The following SAP130 variants were observed in gnomAD, a reference collection of about 807,000 sequenced individuals.
SAP130 encodes Sin3A associated protein 130, also known as histone deacetylase complex subunit SAP130.
SAP130 carries 16 observed loss-of-function variants against 103.2 expected under a neutral mutation model. The observed-to-expected ratio is 0.16, with a 90% CI of 0.10 to 0.24. The LOEUF is 0.24. Ranked by LOEUF, SAP130 falls within the 10% of genes least tolerant of loss-of-function variation. SAP130 has a pLI of 1.00. For missense variants in SAP130, 990 were observed against 1,359.7 expected (o/e 0.73, Z 4.28); for synonymous variants, 477 against 497.0 (o/e 0.96, Z 0.53).
chr2:127,984,777 T>C (rs1323046149), intron 14 of SAP130, among the ~76,000 whole-genome samples: 1 of 152,190 alleles, frequency 6.6e-6, no homozygotes, highest in African/African-American at 2.4e-5. Context: ...TCTATAGTGC[T>C]GGGTGACCCT....
Position 128,000,013 on chromosome 2 carries a change from TC to T in SAP130, c.1108+42del, listed in dbSNP as rs776228987. ...GAAAAATTAACCCATCACTCTTGCC[TC>T]CTTTTTCCCCAGTAGAAGGAAGAGG... On this transcript the variant is annotated intron_variant, in intron 9 of 20. Transcript: ENST00000643581. 1.9e-6 allele frequency: 3 copies of T among 1,583,762 alleles called. No homozygotes were observed. In the South Asian group the frequency reaches 3.3e-5, roughly 17 times the overall value.
At chr2:127,981,743 G>A (rs1197155716) in intron 14 of SAP130, among the ~76,000 whole-genome samples, 1 of 63,278 alleles carries the variant, frequency 1.6e-5, no homozygotes, top group African/African-American at 6.4e-5. Context: ...CCCTCACCCC[G>A]ACGCAGTCCT....
At chr2:128,013,762 A>C (rs1177984606) in intron 5 of SAP130, among the ~76,000 whole-genome samples, 1 of 152,182 alleles carries the variant, frequency 6.6e-6, no homozygotes, top group Non-Finnish European at 1.5e-5. Flanking sequence ...ATTAGAACTT[A>C]AGGGTAAAAA....
Position 127,941,672 on chromosome 2 carries a change from G to T in SAP130, c.*334C>A. On this transcript the variant is annotated 3_prime_UTR_variant, in exon 21 of 21. Transcript: ENST00000643581. ...GTATGGGGCCTGCAGGAATCCACTAGATAAATACAGTCTATAAACCGGAAG... is the reference window on the plus strand; with the variant it reads ...GTATGGGGCCTGCAGGAATCCACTATATAAATACAGTCTATAAACCGGAAG... 1 of 297,690 alleles carries T rather than the reference G, an allele frequency of 3.4e-6. No homozygotes were observed. The allele number at this position is 297,690 out of a possible 1,614,324, so 18.4% of individuals were successfully genotyped here.
rs1229515776 is a variant in SAP130, at chr2:127,942,329, GAT to G, written c.3015+93_3015+94del. On this transcript the variant is annotated intron_variant, in intron 20 of 20. Coordinates refer to ENST00000643581, the MANE Select transcript of SAP130 (RefSeq NM_001330301.2). This position sits in a 1 kb window ranked among gnomAD's most constrained non-coding sequence, Gnocchi z 4.8. Reference sequence around the variant, plus strand: ...CTGAAGCACGTATGTTTTTACTGAAGATATGAGGGAGACGGGGGGAAACGGGA... The same window carrying G: ...CTGAAGCACGTATGTTTTTACTGAAGATGAGGGAGACGGGGGGAAACGGGA... The G allele has an allele frequency of 9.3e-7, 1 of 1,079,468 alleles. No individual in the cohort carries two copies. Among genetic ancestry groups the G allele is most frequent in the African/African-American group, 1.6e-5 (1 of 64,016 alleles). The allele number at this position is 1,079,468 out of a possible 1,614,324, so 66.9% of individuals were successfully genotyped here.
chr2:127,941,945 TC>T lies in SAP130; in HGVS notation c.*60del, dbSNP rs1272598726. On this transcript the variant is annotated 3_prime_UTR_variant, in exon 21 of 21. Coordinates refer to ENST00000643581, the MANE Select transcript of SAP130 (RefSeq NM_001330301.2). ...TCCACTTTGGAAAAAACCAAAACCC[TC>T]CCCCCACCCCCACCATCATTCTTCA... The T allele has an allele frequency of 1.1e-4, 20 of 187,778 alleles. 1 individual carries two copies. Among genetic ancestry groups the T allele is most frequent in the Admixed American group, 2.0e-4 (2 of 10,082 alleles). 11.6% of individuals were successfully genotyped at this position (187,778 alleles called of 1,614,324 possible). A position where few individuals can be genotyped will look rare whatever the true frequency, so the allele number is the denominator to read the frequency against.
chr2:128,010,160 A>T lies in SAP130; in HGVS notation c.869+109T>A, dbSNP rs535965543. Reference sequence around the variant, plus strand: ...TTAGAACACTACATAGCTCATTATAAAAAAAAAAAGCCACTCAATAAATAT... The same window carrying T: ...TTAGAACACTACATAGCTCATTATATAAAAAAAAAGCCACTCAATAAATAT... On this transcript the variant is annotated intron_variant, in intron 7 of 20. Coordinates refer to ENST00000643581, the MANE Select transcript of SAP130 (RefSeq NM_001330301.2). 1,331 of 1,158,648 alleles carry T rather than the reference A, an allele frequency of 1.1e-3. 6 individuals carry two copies. Among genetic ancestry groups the T allele is most frequent in the African/African-American group, 4.2e-3 (264 of 63,522 alleles). The allele number at this position is 1,158,648 out of a possible 1,614,324, so 71.8% of individuals were successfully genotyped here.
At chr2:127,959,905 G>A (rs974113691) in intron 15 of SAP130, among the ~76,000 whole-genome samples, 3 of 152,024 alleles carry the variant, frequency 2.0e-5, no homozygotes, top group Non-Finnish European at 2.9e-5. Flanking sequence ...GAAATAAGAC[G>A]GTCTTGCTGT....
In SAP130 at chr2:128,017,878, G is replaced by A. The variant is rs149990963; in HGVS notation, c.150C>T (p.Ala50=). ...DESGRDSEVS[A]REHMSSSSSL... ...AGCTGCTGGAACTCATGTGCTCCCT[G>A]GCACTGACTTCAGAATCTCGACCAG... is the stretch of plus-strand genomic sequence containing the variant. Residue 50 remains alanine, a synonymous_variant, in exon 3 of 21, where the codon GCC becomes GCT. Transcript: ENST00000643581. 4 of 1,614,052 alleles carry A rather than the reference G, an allele frequency of 2.5e-6. No individual in the cohort carries two copies. The highest frequency in any genetic ancestry group is 1.3e-5 in the African/African-American group (1 of 74,928).
chr2:127,989,105 T>C lies in SAP130; in HGVS notation c.1780+459A>G, dbSNP rs527740584. Among the ~76,000 whole-genome samples, 1 of 151,300 alleles carries C rather than the reference T, an allele frequency of 6.6e-6. No homozygotes were observed. Among genetic ancestry groups the C allele is most frequent in the Non-Finnish European group, 1.5e-5 (1 of 67,724 alleles). On this transcript the variant is annotated intron_variant, in intron 13 of 20. Coordinates refer to ENST00000643581, the MANE Select transcript of SAP130 (RefSeq NM_001330301.2). The surrounding 1 kb of genome is among the most constrained non-coding windows in gnomAD (Gnocchi z 4.6). ...GGGCTGTTGATGTATACTGTATCTTTTTTTTTTTTTGGAGACAGAGTCTCA... is the reference window on the plus strand; with the variant it reads ...GGGCTGTTGATGTATACTGTATCTTCTTTTTTTTTTGGAGACAGAGTCTCA...
chr2:128,003,630 T>C (rs777410968), intron 7 of SAP130, among the ~76,000 whole-genome samples: 5 of 151,850 alleles, frequency 3.3e-5, no homozygotes, highest in Non-Finnish European at 7.4e-5. Context: ...AGTCTGAATA[T>C]TTAACATCGA....
intron 15 of SAP130, among the ~76,000 whole-genome samples, chr2:127,964,285 G>C (rs1359086765): frequency 1.3e-5 from 2 of 152,072 alleles, no homozygotes; most frequent in African/African-American, 4.8e-5. Flanking sequence ...CTTGAGGTCA[G>C]GAGTTCGAGA....
intron 16 of SAP130, among the ~76,000 whole-genome samples, chr2:127,951,403 TA>T (rs1348558858): frequency 1.3e-5 from 2 of 152,072 alleles, no homozygotes; most frequent in African/African-American, 4.8e-5. Flanking sequence ...CTGTCACCAT[TA>T]AATAGAAACT....
rs1681775014 is a variant in SAP130, at chr2:127,980,320, AAG to A, written c.1959-2233_1959-2232del. ...CCAAACCAAAAACAAATTTAAAAAA[AAG>A]AACCTAATGCGAAACATCACTATAA... On this transcript the variant is annotated intron_variant, in intron 14 of 20. Transcript: ENST00000643581. Among the ~76,000 whole-genome samples, 12 of 152,370 alleles carry A rather than the reference AAG, an allele frequency of 7.9e-5. No individual in the cohort carries two copies. In the South Asian group the frequency reaches 2.5e-3, roughly 32 times the overall value.
At chr2:127,988,900 C>A (rs1418109651) in intron 13 of SAP130, among the ~76,000 whole-genome samples, 1 of 152,038 alleles carries the variant, frequency 6.6e-6, no homozygotes, top group Non-Finnish European at 1.5e-5. Flanking sequence ...AATGTTATTC[C>A]ACTAGTATTT....
At chr2:128,010,475 G>T (rs1684314401) in intron 6 of SAP130, 82 bp from the exon 7 acceptor site, 1 of 1,312,414 alleles carries the variant, frequency 7.6e-7, no homozygotes, top group South Asian at 1.4e-5. Context: ...TTTGAAACTT[G>T]AGCCTACAGA....
rs1425101834 is a variant in SAP130, at chr2:127,962,836, ACCTG to A, written c.2064-7496_2064-7493del. ...CGGCACATGTATACATATGTAACAA[ACCTG>A]CACGTTGTGCACATGTACCCTAAAA... On this transcript the variant is annotated intron_variant, in intron 15 of 20. Transcript: ENST00000643581. Among the ~76,000 whole-genome samples, 295 of 152,124 alleles carry A rather than the reference ACCTG, an allele frequency of 1.9e-3. 3 individuals are homozygous for A. Among genetic ancestry groups the A allele is most frequent in the African/African-American group, 6.7e-3 (278 of 41,508 alleles).
In SAP130 at chr2:127,963,747, G is replaced by A. The variant is rs116254596; in HGVS notation, c.2064-8403C>T. Among the ~76,000 whole-genome samples, 694 of 152,140 alleles carry A rather than the reference G, an allele frequency of 4.6e-3. 6 individuals are homozygous for A. Among genetic ancestry groups the A allele is most frequent in the African/African-American group, 0.016 (649 of 41,520 alleles). On this transcript the variant is annotated intron_variant, in intron 15 of 20. Transcript: ENST00000643581. ...GTAACTAAGTCTCATGAGATCTGAC[G>A]GTTTTAAAAAGGGAGAGTTTCCCTG... is the stretch of plus-strand genomic sequence containing the variant.
chr2:128,021,462 C>A (rs868619452), intron 2 of SAP130, among the ~76,000 whole-genome samples: 1,679 of 144,342 alleles, frequency 0.012, 17 homozygotes, highest in Middle Eastern at 0.036. Context: ...AAAAAAAAAA[C>A]AAAAAAACAG....
Sources: gnomAD v4.1 joint callset for allele counts (sites outside exome capture counted in the v4.1 genomes callset) on GRCh38, gnomAD v4.1.1 for gene constraint, Gnocchi (gnomAD v3.1) non-coding constraint, MANE v1.5 for transcripts, NCBI Gene and HGNC (gene_info 2026-07-23, HGNC 2026-07-21) for gene names.